The following ADCY8 variants were observed in gnomAD, a reference collection of about 807,000 sequenced individuals.
ADCY8 encodes adenylate cyclase 8.
A neutral mutation model predicts 119.7 loss-of-function variants in ADCY8; 51 were observed. The observed-to-expected ratio is 0.43, with a 90% CI of 0.34 to 0.54. The LOEUF is 0.54. Among genes scored for constraint, ADCY8 ranks in the 20% least tolerant of loss-of-function variants. The pLI is 0.03. For synonymous variants in ADCY8, 665 were observed against 651.0 expected, an observed-to-expected ratio of 1.02 and a Z score of -0.33; for missense variants, 1,383 against 1,598.8, an observed-to-expected ratio of 0.87 and a Z score of 2.30.
intron 1 of ADCY8, among the ~76,000 whole-genome samples, chr8:131,009,226 C>T (rs1823222196): frequency 2.0e-5 from 3 of 152,152 alleles, no homozygotes; most frequent in South Asian, 2.1e-4. Flanking sequence ...CCTGGAGGCC[C>T]AGGAGGAACA....
chr8:130,823,951 G>T (rs1816595754), intron 12 of ADCY8, among the ~76,000 whole-genome samples: 1 of 152,134 alleles, frequency 6.6e-6, no homozygotes, highest in African/African-American at 2.4e-5. Flanking sequence ...TGTGCACTTA[G>T]CAGATTTATT....
At chr8:130,986,478 A>C (rs1822405337) in intron 2 of ADCY8, among the ~76,000 whole-genome samples, 1 of 152,230 alleles carries the variant, frequency 6.6e-6, no homozygotes, top group Non-Finnish European at 1.5e-5. Flanking sequence ...GGAGAGAGAG[A>C]GAAGCACAGA....
intron 2 of ADCY8, among the ~76,000 whole-genome samples, chr8:130,958,049 G>A (rs796072982): frequency 2.0e-4 from 30 of 152,244 alleles, no homozygotes; most frequent in African/African-American, 5.3e-4. Context: ...GAGGGCCACC[G>A]TCCTCCAGAC....
Position 130,780,722 on chromosome 8 carries a change from C to A in ADCY8, c.3424G>T (p.Asp1142Tyr). ...VPEETYLILK[D>Y]QGFAFDYRGE... The stretch of plus-strand genomic sequence containing the variant: ...CGGTAATCAAAGGCAAAGCCCTGGT[C>A]CTTCAGGATGAGATAGGTCTCCTCT... Residue 1142 changes from aspartate to tyrosine, a missense_variant, in exon 18 of 18, where the codon GAC becomes TAC. Coordinates refer to ENST00000286355, the MANE Select transcript of ADCY8 (RefSeq NM_001115.3). 1.9e-6 allele frequency: 3 copies of A among 1,614,216 alleles called. No individual in the cohort carries two copies. The highest frequency in any genetic ancestry group is 2.5e-6 in the Non-Finnish European group (3 of 1,180,020).
rs145874452 is a variant in ADCY8 at position 130,834,230 on chromosome 8, C to A, written c.2675+2047G>T. Among the ~76,000 whole-genome samples, 4 of 151,930 alleles carry A rather than the reference C, an allele frequency of 2.6e-5. No homozygotes were observed. The East Asian group carries it at 5.8e-4, about 22-fold the overall frequency. On this transcript the variant is annotated intron_variant, in intron 12 of 17. Coordinates refer to ENST00000286355, the MANE Select transcript of ADCY8 (RefSeq NM_001115.3). ...ATTCAACAAGAAAATGATGAATAAC[C>A]CAACAGAAAACTGGGTAAAGGATAT...
chr8:130,905,646 C>T (rs764368442), intron 6 of ADCY8, among the ~76,000 whole-genome samples: 5 of 152,030 alleles, frequency 3.3e-5, no homozygotes, highest in Non-Finnish European at 5.9e-5. Flanking sequence ...ATTGCTGGAG[C>T]TCAGGAGTTT....
At chr8:130,910,056 C>T (rs780060766) in intron 5 of ADCY8, among the ~76,000 whole-genome samples, 190 bp from the exon 6 acceptor site, 5 of 151,520 alleles carry the variant, frequency 3.3e-5, no homozygotes, top group Admixed American at 6.6e-5. Context: ...TTGATGGTCT[C>T]GATCTCCTGA....
intron 5 of ADCY8, among the ~76,000 whole-genome samples, chr8:130,925,459 G>A (rs566723542): frequency 2.6e-5 from 4 of 152,082 alleles, no homozygotes; most frequent in East Asian, 3.9e-4. Context: ...TTTTGCAGAC[G>A]AGGCCATGGA....
intron 3 of ADCY8, among the ~76,000 whole-genome samples, chr8:130,948,201 A>C (rs192245112): frequency 2.0e-5 from 3 of 152,338 alleles, no homozygotes; most frequent in Admixed American, 2.0e-4. Context: ...GTTAAAAATC[A>C]CTGAAATTGA....
intron 12 of ADCY8, among the ~76,000 whole-genome samples, chr8:130,829,014 G>T (rs1308249915): frequency 6.6e-6 from 1 of 152,166 alleles, no homozygotes; most frequent in Non-Finnish European, 1.5e-5. Context: ...GAGCCAGGCA[G>T]GTCACAAAAG....
intron 2 of ADCY8, among the ~76,000 whole-genome samples, chr8:130,962,651 T>C (rs1028833859): frequency 2.0e-5 from 3 of 152,256 alleles, no homozygotes; most frequent in South Asian, 2.1e-4. Flanking sequence ...CTTTATTTTA[T>C]GCAAATGCTT....
chr8:131,030,181 C>A (rs949512973), intron 1 of ADCY8, among the ~76,000 whole-genome samples: 3 of 152,086 alleles, frequency 2.0e-5, no homozygotes, highest in East Asian at 3.9e-4. Context: ...AGTCTCAGGG[C>A]AGCTCTTCAG....
At chr8:130,958,002 G>A (rs893133830) in intron 2 of ADCY8, among the ~76,000 whole-genome samples, 5 of 152,184 alleles carry the variant, frequency 3.3e-5, no homozygotes, top group African/African-American at 1.2e-4. Flanking sequence ...CCAACACAGA[G>A]TCCCTACTGG....
At chr8:130,849,555 C>G (rs1342900775) in intron 10 of ADCY8, 47 bp downstream of exon 10, 2 of 1,598,096 alleles carry the variant, frequency 1.3e-6, no homozygotes, top group Admixed American at 1.7e-5. Flanking sequence ...ACTTCATGCT[C>G]AACTGCACAC....
chr8:130,893,905 G>A (rs1458175792), intron 7 of ADCY8, among the ~76,000 whole-genome samples: 1 of 151,822 alleles, frequency 6.6e-6, no homozygotes, highest in East Asian at 1.9e-4. Context: ...TGTGTGTGTG[G>A]TTGTGGTTGT....
chr8:130,854,803 G>T (rs1054959950), intron 9 of ADCY8, among the ~76,000 whole-genome samples: 1 of 106,468 alleles, frequency 9.4e-6, no homozygotes, highest in Non-Finnish European at 1.8e-5. Flanking sequence ...CTTTCCCTCC[G>T]TCCCTCCCTC....
chr8:130,974,607 A>G (rs1338388788), intron 2 of ADCY8, among the ~76,000 whole-genome samples: 2 of 152,222 alleles, frequency 1.3e-5, no homozygotes, highest in Non-Finnish European at 2.9e-5. Context: ...GTACTAAATC[A>G]TCAAGTAAAA....
chr8:130,854,230 T>C (rs923053991), intron 9 of ADCY8, among the ~76,000 whole-genome samples: 1 of 152,260 alleles, frequency 6.6e-6, no homozygotes, highest in African/African-American at 2.4e-5. Context: ...CTGAATTTGC[T>C]TTTGCATTGT....
chr8:130,957,862 C>G (rs981665803), intron 2 of ADCY8, among the ~76,000 whole-genome samples: 1 of 152,230 alleles, frequency 6.6e-6, no homozygotes, highest in African/African-American at 2.4e-5. Context: ...GTTTGGGAAC[C>G]TCTGCCTTCT....
Sources: allele counts gnomAD v4.1 joint callset (sites outside exome capture counted in the v4.1 genomes callset), GRCh38; gene constraint gnomAD v4.1.1; transcripts MANE v1.5; gene names NCBI Gene and HGNC (gene_info 2026-07-23, HGNC 2026-07-21).